HCLS1: variants seen among roughly 807,000 people sequenced by gnomAD.
HCLS1 encodes hematopoietic lineage cell-specific protein.
In HCLS1, 44 loss-of-function variants were observed where a neutral mutation model predicts 68.6. The ratio of observed to expected loss-of-function variants is 0.64; its 90% CI spans 0.50 to 0.82. The LOEUF (loss-of-function observed/expected upper bound fraction) is 0.82, where lower values mean the gene tolerates loss of function less well. Among genes scored for constraint, HCLS1 ranks in the 40% least tolerant of loss-of-function variants. The pLI is 0.00. For missense variants in HCLS1, 602 were observed against 612.1 expected (o/e 0.98, Z 0.17); for synonymous variants, 217 against 225.8 (o/e 0.96, Z 0.35).
chr3:121,659,839 A>T (rs929462358), intron 1 of HCLS1, among the ~76,000 whole-genome samples: 3 of 152,244 alleles, frequency 2.0e-5, no homozygotes, highest in Non-Finnish European at 2.9e-5. Context: ...TAAGGAAGCA[A>T]TGAGGACTGA....
chr3:121,645,372 G>C (rs144499613), intron 4 of HCLS1, among the ~76,000 whole-genome samples: 18 of 152,124 alleles, frequency 1.2e-4, no homozygotes, highest in African/African-American at 4.1e-4. Flanking sequence ...CTAGATCTTT[G>C]CTCCTGTATG....
chr3:121,639,364 C>A (rs1021390989), intron 6 of HCLS1, among the ~76,000 whole-genome samples: 13 of 152,268 alleles, frequency 8.5e-5, no homozygotes, highest in African/African-American at 3.1e-4. Flanking sequence ...TATCAGAGAT[C>A]ATATTCTGAT....
In HCLS1 at chr3:121,631,814, A is replaced by G; in HGVS notation, c.*32T>C. 6.2e-7 allele frequency: 1 copy of G among 1,612,780 alleles called. No individual in the cohort carries two copies. Among genetic ancestry groups the G allele is most frequent in the Non-Finnish European group, 8.5e-7 (1 of 1,178,918 alleles). On this transcript the variant is annotated 3_prime_UTR_variant, in exon 14 of 14. Coordinates refer to ENST00000314583, the MANE Select transcript of HCLS1 (RefSeq NM_005335.6). ...GAGGCAGAGCCACTTTGGACATGGG[A>G]AATCACAGTTGCAGTAGACAGTGAG...
At chr3:121,642,102 G>T (rs991267175) in intron 6 of HCLS1, among the ~76,000 whole-genome samples, 2 of 136,054 alleles carry the variant, frequency 1.5e-5, no homozygotes, top group African/African-American at 5.3e-5. Flanking sequence ...AAAAAAACTT[G>T]ATCAATATTA....
chr3:121,651,845 T>C (rs952281334), intron 3 of HCLS1, among the ~76,000 whole-genome samples: 4 of 152,244 alleles, frequency 2.6e-5, no homozygotes, highest in African/African-American at 7.2e-5. Flanking sequence ...TCTCTCAAAA[T>C]GTTTAACATA....
chr3:121,643,178 G>T lies in HCLS1; in HGVS notation c.400-197C>A, dbSNP rs544116769. On this transcript the variant is annotated intron_variant, in intron 5 of 13. Transcript: ENST00000314583. ...TGAACATAGGCCCTGGACACAGACA[G>T]TTTTAGGTTCAAACCCTACATCCCC... The T allele has an allele frequency of 2.6e-4, 129 of 489,100 alleles. 3 individuals are homozygous for T. The South Asian group carries it at 3.4e-3, about 13-fold the overall frequency. 30.3% of individuals were successfully genotyped at this position (489,100 alleles called of 1,614,324 possible).
intron 6 of HCLS1, among the ~76,000 whole-genome samples, chr3:121,639,536 G>T (rs529734083): frequency 0.012 from 1,805 of 151,654 alleles, 6 homozygotes; most frequent in Middle Eastern, 0.017. Flanking sequence ...ATTTTTTGTT[G>T]TTGTTGTTGT....
rs1484396459 is a variant in HCLS1, at chr3:121,636,421, T to C, written c.621+13A>G. 6.2e-7 allele frequency: 1 copy of C among 1,606,086 alleles called. No individual in the cohort carries two copies. Among genetic ancestry groups the C allele is most frequent in the Non-Finnish European group, 8.5e-7 (1 of 1,172,600 alleles). The stretch of plus-strand genomic sequence containing the variant: ...GGAACTCTTCTTAAGACATTGGTGT[T>C]CCGGTGCTTTACCTTATCCACTCGG... On this transcript the variant is annotated intron_variant, in intron 8 of 13. Coordinates refer to ENST00000314583, the MANE Select transcript of HCLS1 (RefSeq NM_005335.6).
At position 121,635,849 on chromosome 3, in the gene HCLS1, G is replaced by A. The variant is rs751432457; in HGVS notation, c.622-45C>T. On this transcript the variant is annotated intron_variant, in intron 8 of 13. Coordinates refer to ENST00000314583, the MANE Select transcript of HCLS1 (RefSeq NM_005335.6). ...ATGTGTGTTGCGGGAGAGGGGCAAG[G>A]GTAGTGGTGACCTGGAGGTAGTATT... The A allele has an allele frequency of 7.9e-6, 12 of 1,528,312 alleles. No homozygotes were observed. In the Admixed American group the frequency reaches 2.0e-4, roughly 26 times the overall value. The allele number at this position is 1,528,312 out of a possible 1,614,324, so 94.7% of individuals were successfully genotyped here.
intron 5 of HCLS1, chr3:121,643,717 G>A (rs1374952021): frequency 1.3e-5 from 2 of 152,122 alleles, no homozygotes; most frequent in Non-Finnish European, 2.9e-5. Flanking sequence ...AGCAAGTCTG[G>A]GTTTTTGCAT....
chr3:121,658,219 A>T, intron 2 of HCLS1, 45 bp downstream of exon 2: 4 of 1,393,156 alleles, frequency 2.9e-6, no homozygotes, highest in Non-Finnish European at 4.1e-6. Flanking sequence ...TGCCCTCCTC[A>T]CCCCACCCTC....
chr3:121,647,291 T>G, intron 4 of HCLS1, 28 bp downstream of exon 4: 3 of 1,612,530 alleles, frequency 1.9e-6, no homozygotes, highest in East Asian at 4.5e-5. Flanking sequence ...TGTATTTTTT[T>G]AAAGCAAATC....
rs775692474 is a variant in HCLS1 at position 121,632,175 on chromosome 3, C to A, written c.1250G>T (p.Gly417Val). 1.2e-5 allele frequency: 19 copies of A among 1,613,856 alleles called. 1 individual carries two copies. In the Admixed American group the frequency reaches 3.2e-4, roughly 27 times the overall value. The change falls in exon 13 of 14, where the codon GGC becomes GTC. Residue 417 changes from glycine to valine, a missense_variant. By Grantham distance (109) the Gly-to-Val change is moderately radical. Coordinates refer to ENST00000314583, the MANE Select transcript of HCLS1 (RefSeq NM_005335.6). Reference sequence around the variant, plus strand: ...CCCAGCCCCAGCCCCAGCCGGGCAGCCTGATGATCCTGCATAATGAGAAAC... The same window carrying A: ...CCCAGCCCCAGCCCCAGCCGGGCAGACTGATGATCCTGCATAATGAGAAAC... ...SFSSALAGSS[G>V]CPAGAGAGAV...
Position 121,658,336 on chromosome 3 carries a change from A to C in HCLS1, c.12T>G (p.Ser4=). The change falls in exon 2 of 14, where the codon TCT becomes TCG. Residue 4 remains serine (S), a synonymous_variant. Coordinates refer to ENST00000314583, the MANE Select transcript of HCLS1 (RefSeq NM_005335.6). MWK[S]VVGHDVSVSV... ...AAACAGACACATCATGGCCCACTAC[A>C]GACTTCCACATCTGAGAGTGACCGG... 6.2e-7 allele frequency: 1 copy of C among 1,613,322 alleles called. No homozygotes were observed. Among genetic ancestry groups the C allele is most frequent in the Non-Finnish European group, 8.5e-7 (1 of 1,179,268 alleles).
chr3:121,649,678 AC>A (rs1937701100), intron 3 of HCLS1, among the ~76,000 whole-genome samples: 2 of 152,248 alleles, frequency 1.3e-5, no homozygotes, highest in African/African-American at 4.8e-5. Context: ...AGAGAGGAAA[AC>A]AAAAAATTCC....
At chr3:121,643,980 G>A (rs534715017) in intron 5 of HCLS1, 40 of 152,574 alleles carry the variant, frequency 2.6e-4, no homozygotes, top group African/African-American at 8.9e-4. Flanking sequence ...GTTTTTCATG[G>A]TTTTACCCCC....
intron 3 of HCLS1, chr3:121,653,595 A>C (rs1937796975): frequency 6.6e-6 from 1 of 152,230 alleles, no homozygotes; most frequent in African/African-American, 2.4e-5. Context: ...CTGGAAATCA[A>C]GATAGGATGG....
chr3:121,646,496 T>G (rs1284723789), intron 4 of HCLS1, among the ~76,000 whole-genome samples: 1 of 106,034 alleles, frequency 9.4e-6, no homozygotes, highest in African/African-American at 3.9e-5. Flanking sequence ...TATTATATAT[T>G]ATATATACTT....
chr3:121,632,542 G>C lies in HCLS1; in HGVS notation c.1030C>G (p.Leu344Val). 1 of 1,613,228 alleles carries C rather than the reference G, an allele frequency of 6.2e-7. No homozygotes were observed. Among genetic ancestry groups the C allele is most frequent in the Non-Finnish European group, 8.5e-7 (1 of 1,179,990 alleles). ...LPEDNEEPPA[L>V]PPRTLEGLQV... ...AGGCCTTCCAGAGTCCTAGGGGGCAGAGCTGGGGGCTCCTCATTGTCCTGA... is the reference window on the plus strand; with the variant it reads ...AGGCCTTCCAGAGTCCTAGGGGGCACAGCTGGGGGCTCCTCATTGTCCTGA... The change falls in exon 12 of 14, where the codon CTG becomes GTG. Residue 344 changes from leucine (L) to valine (V), a missense_variant. Leu to Val is a conservative substitution (Grantham distance 32). Transcript: ENST00000314583.
Sources: allele counts gnomAD v4.1 joint callset (sites outside exome capture counted in the v4.1 genomes callset), GRCh38; gene constraint gnomAD v4.1.1; transcripts MANE v1.5; gene names NCBI Gene and HGNC (gene_info 2026-07-23, HGNC 2026-07-21).